PDS5B: variants seen among roughly 807,000 people sequenced by gnomAD.
The protein encoded by PDS5B is sister chromatid cohesion protein PDS5 homolog B.
Under a neutral mutation model 184.1 loss-of-function variants are expected in PDS5B, and 51 were observed. The ratio of observed to expected loss-of-function variants is 0.28; its 90% CI spans 0.22 to 0.35. The LOEUF is 0.35. Among genes scored for constraint, PDS5B ranks in the 10% least tolerant of loss-of-function variants. The pLI is 1.00. For synonymous variants in PDS5B, 566 were observed against 569.2 expected (o/e 0.99, Z 0.08); for missense variants, 1,180 against 1,723.3 (o/e 0.68, Z 5.58).
chr13:32,620,845 C>T (rs915343659), intron 1 of PDS5B, among the ~76,000 whole-genome samples: 1 of 152,052 alleles, frequency 6.6e-6, no homozygotes, highest in African/African-American at 2.4e-5. Flanking sequence ...CATTTGTTGA[C>T]ATAGTTTTCT....
At chr13:32,591,352 C>A (rs989945051) in intron 1 of PDS5B, among the ~76,000 whole-genome samples, 2 of 151,896 alleles carry the variant, frequency 1.3e-5, no homozygotes, top group Non-Finnish European at 2.9e-5. Flanking sequence ...CTCCTGACCT[C>A]GTGATCCGCC....
intron 22 of PDS5B, among the ~76,000 whole-genome samples, chr13:32,741,699 CTGTGTGTGTGTG>C (rs3050179): frequency 1.1e-3 from 154 of 139,276 alleles, no homozygotes; most frequent in African/African-American, 3.5e-3. Flanking sequence ...CCCTTTCAGT[CTGTGTGTGTGTG>C]TGTGTGTGTG....
intron 1 of PDS5B, among the ~76,000 whole-genome samples, chr13:32,626,884 TTAAA>T (rs2140556865): frequency 6.6e-6 from 1 of 152,362 alleles, no homozygotes; most frequent in South Asian, 2.1e-4. Flanking sequence ...CTTTTTATGC[TTAAA>T]TAGTGACATA....
intron 6 of PDS5B, among the ~76,000 whole-genome samples, chr13:32,663,099 T>C (rs1479565883): frequency 1.3e-5 from 2 of 152,122 alleles, no homozygotes; most frequent in African/African-American, 4.8e-5. Flanking sequence ...AAACTCTTCT[T>C]TTCAAACAAC....
At chr13:32,700,401 C>T (rs908946962) in intron 16 of PDS5B, among the ~76,000 whole-genome samples, 1 of 152,040 alleles carries the variant, frequency 6.6e-6, no homozygotes, top group Non-Finnish European at 1.5e-5. Context: ...TTCTCACACA[C>T]AACAATATTG....
intron 3 of PDS5B, among the ~76,000 whole-genome samples, chr13:32,653,290 A>C (rs1950417590): frequency 6.6e-6 from 1 of 152,158 alleles, no homozygotes; most frequent in African/African-American, 2.4e-5. Context: ...GTCTCAGAAA[A>C]CAAAACAAAA....
At chr13:32,762,734 T>C (rs1954451428) in intron 30 of PDS5B, among the ~76,000 whole-genome samples, 1 of 152,194 alleles carries the variant, frequency 6.6e-6, no homozygotes. Context: ...CAATGTTTTG[T>C]ACTTCTCTTT....
At chr13:32,612,891 T>C (rs1219438128) in intron 1 of PDS5B, among the ~76,000 whole-genome samples, 1 of 152,156 alleles carries the variant, frequency 6.6e-6, no homozygotes, top group African/African-American at 2.4e-5. Context: ...ACCCAGACTG[T>C]GGTATTCTGT....
chr13:32,710,498 T>G (rs80098645), intron 19 of PDS5B, among the ~76,000 whole-genome samples: 6,981 of 152,262 alleles, frequency 0.046, 449 homozygotes, highest in African/African-American at 0.15. Flanking sequence ...AGTGCTTTAA[T>G]TGACACAGGG....
chr13:32,739,392 A>T (rs1324910462), intron 21 of PDS5B, among the ~76,000 whole-genome samples: 1 of 152,216 alleles, frequency 6.6e-6, no homozygotes, highest in Non-Finnish European at 1.5e-5. Context: ...GAAAAATTTT[A>T]AATTTCTCTC....
intron 20 of PDS5B, among the ~76,000 whole-genome samples, chr13:32,732,927 T>C (rs1346871611): frequency 6.6e-6 from 1 of 152,196 alleles, no homozygotes; most frequent in Non-Finnish European, 1.5e-5. Context: ...TTGGACTTAA[T>C]ATCTTTGTTT....
chr13:32,673,124 A>G, intron 7 of PDS5B, 92 bp from the exon 8 acceptor site: 1 of 1,139,314 alleles, frequency 8.8e-7, no homozygotes, highest in Non-Finnish European at 1.3e-6. Context: ...ACTTTGTATA[A>G]AATAATGATG....
chr13:32,622,104 C>T (rs1043954637), intron 1 of PDS5B, among the ~76,000 whole-genome samples: 11 of 151,592 alleles, frequency 7.3e-5, no homozygotes, highest in African/African-American at 2.4e-4. Context: ...AACTAATTTC[C>T]ACTCTTTTTT....
chr13:32,672,458 A>G (rs1950962760), intron 7 of PDS5B, among the ~76,000 whole-genome samples: 4 of 152,168 alleles, frequency 2.6e-5, no homozygotes, highest in South Asian at 4.1e-4. Flanking sequence ...ACACATGTAT[A>G]TGTATGAGAG....
intron 1 of PDS5B, among the ~76,000 whole-genome samples, chr13:32,597,180 C>T (rs576801765): frequency 1.3e-5 from 2 of 151,836 alleles, no homozygotes; most frequent in East Asian, 1.9e-4. Flanking sequence ...TCTACAGATA[C>T]GTGCCACCAT....
intron 1 of PDS5B, among the ~76,000 whole-genome samples, chr13:32,597,271 A>G (rs1227673262): frequency 6.7e-6 from 1 of 149,612 alleles, no homozygotes; most frequent in African/African-American, 2.5e-5. Flanking sequence ...TTGAACTCCT[A>G]GGCTCAAGTG....
At chr13:32,769,029 A>G in intron 31 of PDS5B, among the ~76,000 whole-genome samples, 1 of 151,304 alleles carries the variant, frequency 6.6e-6, no homozygotes, top group Admixed American at 6.6e-5. Context: ...AGGCTGAGAC[A>G]GGAGAATGGC....
chr13:32,731,537 A>T (rs1953122836), intron 19 of PDS5B, among the ~76,000 whole-genome samples: 1 of 152,034 alleles, frequency 6.6e-6, no homozygotes, highest in Admixed American at 6.6e-5. Context: ...AGCAGTTCTC[A>T]CAGTTTAACA....
chr13:32,599,055 C>T (rs187326887), intron 1 of PDS5B, among the ~76,000 whole-genome samples: 1 of 151,628 alleles, frequency 6.6e-6, no homozygotes, highest in Non-Finnish European at 1.5e-5. Context: ...CAGGCGTGAG[C>T]CACCACGCCC....
Sources: gnomAD v4.1 joint callset for allele counts (sites outside exome capture counted in the v4.1 genomes callset) on GRCh38, gnomAD v4.1.1 for gene constraint, MANE v1.5 for transcripts, NCBI Gene and HGNC (gene_info 2026-07-23, HGNC 2026-07-21) for gene names.